PPOX: variants seen among roughly 807,000 people sequenced by gnomAD.
The protein encoded by PPOX is protoporphyrinogen oxidase, also known as variegate porphyria.
A neutral mutation model predicts 54.1 loss-of-function variants in PPOX; 23 were observed. The ratio of observed to expected loss-of-function variants is 0.43; its 90% CI spans 0.31 to 0.60. The LOEUF is 0.60. Among genes scored for constraint, PPOX ranks in the 20% least tolerant of loss-of-function variants. The pLI is 0.13. For synonymous variants in PPOX, 224 were observed against 236.1 expected, an observed-to-expected ratio of 0.95 and a Z score of 0.47; for missense variants, 512 against 601.1, an observed-to-expected ratio of 0.85 and a Z score of 1.55.
downstream of PPOX, chr1:161,171,659 A>T (rs1192751138): frequency 1.9e-6 from 2 of 1,046,962 alleles, no homozygotes; most frequent in Non-Finnish European, 2.7e-6. Flanking sequence ...ACAGGAGCCC[A>T]GCTCCAGTCC....
chr1:161,166,820 T>A lies in PPOX; in HGVS notation c.-8-20T>A. The stretch of plus-strand genomic sequence containing the variant: ...AGGTTGTCCCCGGTCTGCCTGTCCA[T>A]ATCGCCCCCTTTCCCCCAGGTTTCC... On this transcript the variant is annotated intron_variant, in intron 1 of 12. Coordinates refer to ENST00000367999, the MANE Select transcript of PPOX (RefSeq NM_001122764.3). The A allele has an allele frequency of 6.2e-7, 1 of 1,611,712 alleles. No individual in the cohort carries two copies. The highest frequency in any genetic ancestry group is 1.3e-5 in the African/African-American group (1 of 75,046).
chr1:161,167,239 G>C lies in PPOX; in HGVS notation c.222+5G>C. 2 of 1,614,172 alleles carry C rather than the reference G, an allele frequency of 1.2e-6. No individual in the cohort carries two copies. Among genetic ancestry groups the C allele is most frequent in the South Asian group, 1.1e-5 (1 of 91,088 alleles). On this transcript the variant is annotated splice_donor_5th_base_variant and intron_variant, in intron 3 of 12. Transcript: ENST00000367999. ...GGGGCCCGGACCTTGCTCCTGGTGA[G>C]AGGCTTGTGGGATGTCTAGGAGAGG... is the stretch of plus-strand genomic sequence containing the variant.
rs1660199285 is a variant in PPOX at position 161,169,114 on chromosome 1, TAGGGGGGTC to T, written c.741_749del (p.Arg247_Val249del). 6.2e-7 allele frequency: 1 copy of T among 1,613,992 alleles called. No homozygotes were observed. Among genetic ancestry groups the T allele is most frequent in the African/African-American group, 1.3e-5 (1 of 74,880 alleles). On this transcript the variant is annotated inframe_deletion, in exon 7 of 13. Transcript: ENST00000367999. ...AGGCCCTTGAAACCCACCTGACTAGTAGGGGGGTCAGTGTTCTCAGAGGCCAGCCGGTCT... is the reference window on the plus strand; with the variant it reads ...AGGCCCTTGAAACCCACCTGACTAGTAGTGTTCTCAGAGGCCAGCCGGTCT...
rs770511354 is a variant in PPOX at position 161,170,966 on chromosome 1, G to A, written c.1291+17G>A. 12 of 1,614,000 alleles carry A rather than the reference G, an allele frequency of 7.4e-6. No homozygotes were observed. In the South Asian group the frequency reaches 1.2e-4, roughly 16 times the overall value. ...AAAAACTAGGTAAGTTGGGAAAACA[G>A]CTGGGCTGAGGAGGGCCAAGGACAT... On this transcript the variant is annotated intron_variant, in intron 12 of 12. Transcript: ENST00000367999.
chr1:161,175,751 C>A, downstream of PPOX: 3 of 1,591,658 alleles, frequency 1.9e-6, no homozygotes, highest in Admixed American at 1.7e-5. Context: ...TATCCCCAAG[C>A]CTCCCTGTCT....
chr1:161,176,994 T>C (rs1484943083), exon 5 of PPOX: 1 of 1,535,622 alleles, frequency 6.5e-7, no homozygotes, highest in Non-Finnish European at 8.7e-7. Flanking sequence ...CGTGACCACC[T>C]GGGGGCTGTA....
chr1:161,176,566 G>C, intron 4 of PPOX: 1 of 485,034 alleles, frequency 2.1e-6, no homozygotes, highest in Non-Finnish European at 3.7e-6. Context: ...CTCCAGCAGC[G>C]AATCTGGGAC....
chr1:161,168,344 C>G, intron 5 of PPOX, 88 bp from the exon 6 acceptor site: 1 of 1,599,164 alleles, frequency 6.3e-7, no homozygotes, highest in Non-Finnish European at 8.6e-7. Flanking sequence ...AAACCCTATC[C>G]CACCCTCATT....
At chr1:161,171,611 C>CA, downstream of PPOX, 1 of 661,248 alleles carries the variant, frequency 1.5e-6, no homozygotes, top group Admixed American at 2.9e-5. Context: ...AGTCATAAGC[C>CA]CTACAGGAGA....
At chr1:161,176,004 C>T (rs1157072133), downstream of PPOX, 2 of 1,614,102 alleles carry the variant, frequency 1.2e-6, no homozygotes, top group Non-Finnish European at 1.7e-6. Context: ...TGACAGCCAG[C>T]TGGGAGCCCA....
chr1:161,172,409 CA>C, downstream of PPOX: 6 of 1,242,778 alleles, frequency 4.8e-6, no homozygotes, highest in Non-Finnish European at 6.7e-6. Flanking sequence ...TCTGTACACA[CA>C]AAAAAACAAC....
chr1:161,174,053 G>T, downstream of PPOX: 2 of 1,612,626 alleles, frequency 1.2e-6, no homozygotes, highest in South Asian at 2.2e-5. Context: ...TTCCAGCCTG[G>T]AAGATAATGG....
downstream of PPOX, chr1:161,171,504 A>G (rs555506453): frequency 1.5e-4 from 87 of 576,624 alleles, no homozygotes; most frequent in South Asian, 1.8e-3. Context: ...TCTTCTCTCC[A>G]TGGAAGAGGG....
chr1:161,174,867 C>G, downstream of PPOX: 1 of 1,033,590 alleles, frequency 9.7e-7, no homozygotes, highest in South Asian at 1.4e-5. Context: ...GGGTGCTTCT[C>G]CACACTCTAA....
At chr1:161,172,870 AG>A (rs1461975380), downstream of PPOX, among the ~76,000 whole-genome samples, 1 of 150,010 alleles carries the variant, frequency 6.7e-6, no homozygotes, top group African/African-American at 2.5e-5. Flanking sequence ...CTAGAGAAAA[AG>A]AAAAAAAAAA....
chr1:161,167,218 C>T lies in PPOX; in HGVS notation c.206C>T (p.Ala69Val). The T allele has an allele frequency of 6.2e-7, 1 of 1,614,162 alleles. No homozygotes were observed. The highest frequency in any genetic ancestry group is 8.5e-7 in the Non-Finnish European group (1 of 1,180,032). The change falls in exon 3 of 13, where the codon GCC becomes GTC. Residue 69 changes from alanine to valine, a missense_variant. Coordinates refer to ENST00000367999, the MANE Select transcript of PPOX (RefSeq NM_001122764.3). ...ATTAGGCCAGCGGGAGCCCTAGGGG[C>T]CCGGACCTTGCTCCTGGTGAGAGGC... ...RGIRPAGALG[A>V]RTLLLVSELG...
At chr1:161,175,806 A>G, downstream of PPOX, 1 of 1,613,522 alleles carries the variant, frequency 6.2e-7, no homozygotes, top group Non-Finnish European at 8.5e-7. Context: ...TCCTGCACTT[A>G]CCTAAGAGAG....
chr1:161,173,676 C>T (rs1330168027), downstream of PPOX: 2 of 1,614,186 alleles, frequency 1.2e-6, no homozygotes, highest in Non-Finnish European at 1.7e-6. Context: ...TCTTCAGGTA[C>T]TGGTCAGGAG....
rs186428034 is a variant in PPOX, at chr1:161,166,532, G to T, written c.-149G>T. 29 of 1,365,262 alleles carry T rather than the reference G, an allele frequency of 2.1e-5. No homozygotes were observed. In the Admixed American group the frequency reaches 5.8e-4, roughly 27 times the overall value. 84.6% of individuals were successfully genotyped at this position (1,365,262 alleles called of 1,614,324 possible). ...AAGCAGAGCACCTCAGAACTCAGGC[G>T]TACTGCCCGCCGCCCGAGCCCTGCG... On this transcript the variant is annotated 5_prime_UTR_variant, in exon 1 of 13. Coordinates refer to ENST00000367999, the MANE Select transcript of PPOX (RefSeq NM_001122764.3).
Sources: allele counts gnomAD v4.1 joint callset (sites outside exome capture counted in the v4.1 genomes callset), GRCh38; gene constraint gnomAD v4.1.1; transcripts MANE v1.5; gene names NCBI Gene and HGNC (gene_info 2026-07-23, HGNC 2026-07-21).